Variants in UNC79 observed in about 807,000 individuals in gnomAD.
UNC79 encodes protein unc-79 homolog.
Under a neutral mutation model 283.1 loss-of-function variants are expected in UNC79, and 37 were observed. The observed-to-expected ratio is 0.13, with a 90% CI of 0.10 to 0.17. UNC79 has a LOEUF of 0.17. Among genes scored for constraint, UNC79 ranks in the 10% least tolerant of loss-of-function variants. The pLI is 1.00. For synonymous variants in UNC79, 1,107 were observed against 1,200.2 expected (o/e 0.92, Z 1.61); for missense variants, 2,272 against 3,211.1 (o/e 0.71, Z 7.07).
intron 33 of UNC79, among the ~76,000 whole-genome samples, chr14:93,642,307 C>T (rs1488721032): frequency 2.0e-5 from 3 of 151,774 alleles, no homozygotes; most frequent in African/African-American, 7.3e-5. Flanking sequence ...CACGTGTAGT[C>T]CCAGCTACTC....
rs564639353 is a variant in UNC79 at position 93,573,557 on chromosome 14, C to T, written c.2070+741C>T. Among the ~76,000 whole-genome samples, 14 of 152,294 alleles carry T rather than the reference C, an allele frequency of 9.2e-5. No individual in the cohort carries two copies. The South Asian group carries it at 2.7e-3, about 29-fold the overall frequency. ...TTTGGGCAGTTTTAGAAAATGAGGA[C>T]AGAATCAATGTTTAGATTAACTACA... is the stretch of plus-strand genomic sequence containing the variant. On this transcript the variant is annotated intron_variant, in intron 16 of 48. Transcript: ENST00000555664.
rs117645349 is a variant in UNC79, at chr14:93,606,674, T to C, written c.3754+3256T>C. ...CCCCTTTATACAACAAGATTTAAAT[T>C]TAATTGCTGTTTAGGTTGAACTTTT... On this transcript the variant is annotated intron_variant, in intron 26 of 48. Transcript: ENST00000555664. Among the ~76,000 whole-genome samples the C allele has an allele frequency of 6.2e-3, 946 of 152,314 alleles. 10 individuals carry two copies. Among genetic ancestry groups the C allele is most frequent in the Non-Finnish European group, 0.011 (715 of 68,020 alleles).
At chr14:93,346,472 A>G (rs1010185324) in intron 1 of UNC79, among the ~76,000 whole-genome samples, 2 of 152,200 alleles carry the variant, frequency 1.3e-5, no homozygotes, top group African/African-American at 4.8e-5. Context: ...ACACAGTGAG[A>G]CCTGTCTCTA....
intron 1 of UNC79, among the ~76,000 whole-genome samples, chr14:93,458,049 G>A (rs1420317092): frequency 2.0e-5 from 3 of 152,148 alleles, no homozygotes; most frequent in Admixed American, 6.5e-5. Context: ...ATATAACAAC[G>A]CACATTTGTG....
intron 1 of UNC79, among the ~76,000 whole-genome samples, chr14:93,446,140 C>A (rs2056452706): frequency 6.6e-6 from 1 of 151,584 alleles, no homozygotes; most frequent in African/African-American, 2.4e-5. Context: ...TTATTTATAC[C>A]ATTTCCTTCC....
chr14:93,525,108 A>G (rs1264749837), intron 8 of UNC79, among the ~76,000 whole-genome samples: 1 of 152,196 alleles, frequency 6.6e-6, no homozygotes, highest in Non-Finnish European at 1.5e-5. Context: ...ATTATTTTTA[A>G]TCTCTGCTTT....
chr14:93,467,635 T>TTTTTTTTTTTTTTTTTTC, intron 1 of UNC79, 36 bp from the exon 2 acceptor site: 2 of 637,328 alleles, frequency 3.1e-6, no homozygotes, highest in Non-Finnish European at 1.9e-6. Context: ...TTCCTTTTTT[T>TTTTTTTTTTTTTTTTTTC]TTTTTTTTTT....
chr14:93,452,034 C>CAA (rs2056659445), intron 1 of UNC79, among the ~76,000 whole-genome samples: 1 of 152,208 alleles, frequency 6.6e-6, no homozygotes, highest in African/African-American at 2.4e-5. Flanking sequence ...AGTCCTGACC[C>CAA]AGAACCTTTC....
chr14:93,649,835 T>A (rs1376345930), intron 35 of UNC79, among the ~76,000 whole-genome samples: 3 of 152,198 alleles, frequency 2.0e-5, no homozygotes, highest in African/African-American at 7.2e-5. Flanking sequence ...TTTGTAAAAT[T>A]TACATACAAG....
At chr14:93,663,400 A>G (rs1303189600) in intron 40 of UNC79, among the ~76,000 whole-genome samples, 2 of 152,198 alleles carry the variant, frequency 1.3e-5, no homozygotes, top group Non-Finnish European at 2.9e-5. Flanking sequence ...CTTAAGAACA[A>G]TGTGCAAATG....
At chr14:93,622,373 C>T (rs757233249) in exon 30 of UNC79, 1 of 1,614,180 alleles carries the variant, frequency 6.2e-7, no homozygotes, top group South Asian at 1.1e-5. Flanking sequence ...TGACTCTGCC[C>T]TCATCACTCT....
rs780204528 is a variant in UNC79 at position 93,622,142 on chromosome 14, C to T, written c.4909C>T (p.Leu1637Phe). ...CAGCGACTCTCTTGTATTTGAGCCT[C>T]TTCCCCCTCTCAGAATAGTCGAGAG... is the stretch of plus-strand genomic sequence containing the variant. Residue 1637 changes from leucine (L) to phenylalanine (F), a missense_variant, in exon 30 of 49, where the codon CTT (leucine) becomes TTT (phenylalanine). Around this residue, in one of 11 missense-constraint regions of UNC79, gnomAD observed 580 missense variants for 632.2 expected, o/e 0.92. Transcript: ENST00000555664. The T allele has an allele frequency of 5.6e-6, 9 of 1,614,126 alleles. No homozygotes were observed. Among genetic ancestry groups the T allele is most frequent in the Non-Finnish European group, 7.6e-6 (9 of 1,180,016 alleles).
chr14:93,628,821 A>G (rs986765801), intron 30 of UNC79, among the ~76,000 whole-genome samples: 2 of 152,258 alleles, frequency 1.3e-5, no homozygotes, highest in African/African-American at 2.4e-5. Context: ...CCTCGCTAAC[A>G]GAATCTTAGT....
intron 25 of UNC79, 91 bp downstream of exon 25, chr14:93,600,861 C>G (rs1407098835): frequency 2.8e-6 from 4 of 1,426,470 alleles, no homozygotes. Flanking sequence ...CGTTTAATTC[C>G]TCTACAGAGG....
At chr14:93,642,453 G>A (rs2069141844) in intron 33 of UNC79, among the ~76,000 whole-genome samples, 1 of 148,524 alleles carries the variant, frequency 6.7e-6, no homozygotes, top group Non-Finnish European at 1.5e-5. Context: ...AAGTGAGGAA[G>A]GTAAGGTGGA....
chr14:93,365,015 T>C (rs889982647), intron 1 of UNC79, among the ~76,000 whole-genome samples: 11 of 152,044 alleles, frequency 7.2e-5, no homozygotes, highest in Non-Finnish European at 1.0e-4. Flanking sequence ...GGAAGATTGC[T>C]TGAGACCAGG....
intron 1 of UNC79, among the ~76,000 whole-genome samples, chr14:93,361,671 G>A (rs1227350033): frequency 6.6e-6 from 1 of 151,898 alleles, no homozygotes; most frequent in African/African-American, 2.4e-5. Context: ...CTTCCTTTTT[G>A]GATGCCTTTT....
chr14:93,449,636 A>G (rs2056571658), intron 1 of UNC79, among the ~76,000 whole-genome samples: 2 of 152,050 alleles, frequency 1.3e-5, no homozygotes, highest in Non-Finnish European at 2.9e-5. Flanking sequence ...AAAAAAGAAA[A>G]AGAAAAAAAC....
At chr14:93,565,849 A>T (rs12878053) in intron 14 of UNC79, among the ~76,000 whole-genome samples, 21 of 152,068 alleles carry the variant, frequency 1.4e-4, no homozygotes, top group Admixed American at 1.4e-3. Flanking sequence ...AGCTGTTTCA[A>T]TCCATCCTGC....
Sources: allele counts gnomAD v4.1 joint callset (sites outside exome capture counted in the v4.1 genomes callset), GRCh38; gene constraint gnomAD v4.1.1; regional missense constraint gnomAD v4.1.1; transcripts MANE v1.5; gene names NCBI Gene and HGNC (gene_info 2026-07-23, HGNC 2026-07-21).